Variants in LINGO2 observed in about 807,000 individuals in gnomAD.
The protein encoded by LINGO2 is leucine rich repeat and Ig domain containing 2.
LINGO2 carries 14 observed loss-of-function variants against 30.6 expected under a neutral mutation model. That is an observed-to-expected ratio of 0.46 (90% CI 0.30 to 0.72). The LOEUF is 0.72. Among genes scored for constraint, LINGO2 ranks in the 30% least tolerant of loss-of-function variants. The pLI, the probability that LINGO2 is intolerant of heterozygous loss-of-function variation, is 0.07. For synonymous variants in LINGO2, 317 were observed against 288.5 expected (o/e 1.10, Z -1.00); for missense variants, 729 against 751.7 (o/e 0.97, Z 0.35).
chr9:28,474,301 C>T (rs1205080886), intron 2 of LINGO2, among the ~76,000 whole-genome samples: 1 of 152,062 alleles, frequency 6.6e-6, no homozygotes, highest in East Asian at 1.9e-4. Flanking sequence ...ACCTTTATCT[C>T]TTAGAATTGT....
Position 28,517,872 on chromosome 9 carries a change from G to T in LINGO2, c.-364-41847C>A, listed in dbSNP as rs531128544. ...CAATAAATCATCCTCAAGGTACAAA[G>T]ATTCAAATGCCACAAGTGCTTTGAT... On this transcript the variant is annotated intron_variant, in intron 1 of 5. Transcript: ENST00000379992. Among the ~76,000 whole-genome samples the T allele has an allele frequency of 2.0e-5, 3 of 152,224 alleles. No homozygotes were observed. The East Asian group carries it at 5.8e-4, about 29-fold the overall frequency.
chr9:28,117,019 GT>G (rs1466569610), intron 4 of LINGO2, among the ~76,000 whole-genome samples: 3 of 83,692 alleles, frequency 3.6e-5, no homozygotes, highest in Non-Finnish European at 7.4e-5. Flanking sequence ...TTTCTGTTCT[GT>G]TTTTTCCCCA....
the LINGO2 span, among the ~76,000 whole-genome samples, chr9:28,813,660 C>T: frequency 2.6e-5 from 4 of 152,058 alleles, no homozygotes; most frequent in South Asian, 2.1e-4. Context: ...CTGAGGACAG[C>T]GAATAAACAG....
chr9:28,479,869 G>GTT (rs1825869474), intron 1 of LINGO2, among the ~76,000 whole-genome samples: 1 of 76,286 alleles, frequency 1.3e-5, no homozygotes. Flanking sequence ...GTGTGTGTGT[G>GTT]TGTGTGTGTG....
the LINGO2 span, among the ~76,000 whole-genome samples, chr9:29,067,268 T>C: frequency 2.0e-5 from 3 of 151,740 alleles, no homozygotes; most frequent in Admixed American, 6.6e-5. Flanking sequence ...GAACACACTA[T>C]AGATAATTCA....
At chr9:28,498,187 T>G (rs927086906) in intron 1 of LINGO2, among the ~76,000 whole-genome samples, 2 of 152,148 alleles carry the variant, frequency 1.3e-5, no homozygotes, top group African/African-American at 4.8e-5. Flanking sequence ...TTCAAAGCTG[T>G]CAGACAGGGA....
intron 4 of LINGO2, among the ~76,000 whole-genome samples, chr9:28,056,157 G>A (rs1329668407): frequency 6.6e-6 from 1 of 152,132 alleles, no homozygotes. Flanking sequence ...AGAGCAGGGC[G>A]GAGCAGGTAA....
the LINGO2 span, among the ~76,000 whole-genome samples, chr9:29,002,081 T>C: frequency 7.2e-5 from 11 of 152,016 alleles, no homozygotes; most frequent in Non-Finnish European, 1.3e-4. Context: ...ATTATGTTAT[T>C]TTTTCTTTCC....
At chr9:28,310,740 T>C (rs1275013337) in intron 3 of LINGO2, among the ~76,000 whole-genome samples, 1 of 152,168 alleles carries the variant, frequency 6.6e-6, no homozygotes, top group African/African-American at 2.4e-5. Flanking sequence ...TATAGGTAAA[T>C]AAAGCTGATT....
intron 2 of LINGO2, among the ~76,000 whole-genome samples, chr9:28,417,695 T>C (rs903734982): frequency 3.3e-5 from 5 of 152,180 alleles, no homozygotes; most frequent in African/African-American, 1.2e-4. Context: ...CTACTTTCAA[T>C]AGTGTGTCAT....
chr9:28,315,702 A>C (rs1478345479), intron 3 of LINGO2, among the ~76,000 whole-genome samples: 2 of 152,068 alleles, frequency 1.3e-5, no homozygotes, highest in African/African-American at 4.8e-5. Flanking sequence ...GGAATGTGGC[A>C]CTCCCAGCAT....
At chr9:28,465,240 G>A (rs1825248926) in intron 2 of LINGO2, among the ~76,000 whole-genome samples, 1 of 152,134 alleles carries the variant, frequency 6.6e-6, no homozygotes, top group Non-Finnish European at 1.5e-5. Context: ...CTTGAAGGAT[G>A]GTGAACATAG....
chr9:29,045,654 A>G, the LINGO2 span, among the ~76,000 whole-genome samples: 5 of 152,112 alleles, frequency 3.3e-5, no homozygotes, highest in Non-Finnish European at 5.9e-5. Flanking sequence ...ATGAATTTTA[A>G]AACGGTTTTT....
At chr9:28,351,693 A>G (rs1237075339) in intron 3 of LINGO2, among the ~76,000 whole-genome samples, 1 of 151,404 alleles carries the variant, frequency 6.6e-6, no homozygotes, top group Non-Finnish European at 1.5e-5. Flanking sequence ...CAGAGACACA[A>G]CAAAAAAAGA....
intron 4 of LINGO2, among the ~76,000 whole-genome samples, chr9:28,165,804 C>A (rs946839346): frequency 2.0e-5 from 3 of 152,108 alleles, no homozygotes; most frequent in African/African-American, 7.2e-5. Context: ...ATTAGAATAT[C>A]GATCACTAAA....
At chr9:28,976,383 G>C in the LINGO2 span, among the ~76,000 whole-genome samples, 3 of 152,092 alleles carry the variant, frequency 2.0e-5, no homozygotes, top group Non-Finnish European at 4.4e-5. Context: ...TCCATTCATT[G>C]TCATACCATG....
At chr9:28,989,780 G>C in the LINGO2 span, among the ~76,000 whole-genome samples, 2 of 152,206 alleles carry the variant, frequency 1.3e-5, no homozygotes, top group African/African-American at 2.4e-5. Context: ...GTGGTGCCAT[G>C]AGATTAAGTT....
chr9:28,038,147 A>C (rs184889158), intron 4 of LINGO2, among the ~76,000 whole-genome samples: 1 of 152,322 alleles, frequency 6.6e-6, no homozygotes, highest in African/African-American at 2.4e-5. Flanking sequence ...TTCTGGAATG[A>C]TAAGAGGCAT....
the LINGO2 span, among the ~76,000 whole-genome samples, chr9:29,126,538 T>A: frequency 6.6e-6 from 1 of 152,136 alleles, no homozygotes; most frequent in Non-Finnish European, 1.5e-5. Context: ...AATACATTGA[T>A]CTTAAATACC....
Sources: gnomAD v4.1 joint callset for allele counts (sites outside exome capture counted in the v4.1 genomes callset) on GRCh38, gnomAD v4.1.1 for gene constraint, MANE v1.5 for transcripts, NCBI Gene and HGNC (gene_info 2026-07-23, HGNC 2026-07-21) for gene names.